The following AGO4 variants were observed in gnomAD, a reference collection of about 807,000 sequenced individuals.
AGO4 encodes argonaute RISC component 4.
In AGO4, 33 loss-of-function variants were observed where a neutral mutation model predicts 104.7. That is an observed-to-expected ratio of 0.32 (90% CI 0.24 to 0.42). The LOEUF is 0.42. Ranked by LOEUF, AGO4 falls within the 10% of genes least tolerant of loss-of-function variation. AGO4 has a pLI of 1.00. For synonymous variants in AGO4, 331 were observed against 364.7 expected, an observed-to-expected ratio of 0.91 and a Z score of 1.05; for missense variants, 711 against 1,083.4, an observed-to-expected ratio of 0.66 and a Z score of 4.83.
rs1379597402 is a variant in AGO4, at chr1:35,850,249, A to T, written c.2268A>T (p.Ala756=). 4.3e-6 allele frequency: 7 copies of T among 1,612,576 alleles called. No homozygotes were observed. The highest frequency in any genetic ancestry group is 5.1e-6 in the Non-Finnish European group (6 of 1,178,670). ...SEFDFYLCSH[A]GIQGTSRPSH... ...TTGACTTTTACCTCTGTAGTCATGC[A>T]GGAATTCAGGTAATTTGGAAGCTGG... Residue 756 remains alanine, a synonymous_variant, in exon 16 of 18, where the codon GCA becomes GCT. Transcript: ENST00000373210.
At chr1:35,843,464 C>G (rs1400584689) in intron 15 of AGO4, among the ~76,000 whole-genome samples, 1 of 151,862 alleles carries the variant, frequency 6.6e-6, no homozygotes, top group Non-Finnish European at 1.5e-5. Flanking sequence ...ATTAAAAGGG[C>G]TGTTTTAAAT....
At chr1:35,852,923 A>G (rs1644736169) in intron 17 of AGO4, among the ~76,000 whole-genome samples, 1 of 152,176 alleles carries the variant, frequency 6.6e-6, no homozygotes, top group African/African-American at 2.4e-5. Context: ...CTTTGCAGAC[A>G]TTATATTATT....
At chr1:35,835,796 C>T in intron 12 of AGO4, 38 bp from the exon 13 acceptor site, 1 of 1,517,840 alleles carries the variant, frequency 6.6e-7, no homozygotes, top group South Asian at 1.3e-5. Flanking sequence ...ATTAGGAGAC[C>T]ATTTAAACAT....
rs1017162473 is a variant in AGO4 at position 35,809,967 on chromosome 1, G to A, written c.19+1532G>A. ...ATCGAAAGAAATTGTGTAACTGTGG[G>A]CATAAACTGAATTTCATGGAAAGGA... On this transcript the variant is annotated intron_variant, in intron 1 of 17. Transcript: ENST00000373210. Among the ~76,000 whole-genome samples the A allele has an allele frequency of 5.9e-5, 9 of 152,200 alleles. No individual in the cohort carries two copies. In the East Asian group the frequency reaches 1.7e-3, roughly 29 times the overall value.
chr1:35,850,902 T>G lies in AGO4; in HGVS notation c.2326T>G (p.Phe776Val), dbSNP rs1420586748. 1 of 1,613,434 alleles carries G rather than the reference T, an allele frequency of 6.2e-7. No individual in the cohort carries two copies. The highest frequency in any genetic ancestry group is 2.2e-5 in the East Asian group (1 of 44,872). Residue 776 changes from phenylalanine to valine, a missense_variant, in exon 17 of 18, where the codon TTC (phenylalanine) becomes GTC (valine). This residue lies in a region of AGO4 where 401 missense variants were observed against 665.5 expected (regional missense o/e 0.60). Coordinates refer to ENST00000373210, the MANE Select transcript of AGO4 (RefSeq NM_017629.4). ...HYQVLWDDNC[F>V]TADELQLLTY... The stretch of plus-strand genomic sequence containing the variant: ...CCAGGTCTTGTGGGATGACAACTGC[T>G]TCACTGCAGATGAACTCCAGCTACT...
chr1:35,815,095 C>T (rs922710669), intron 1 of AGO4, among the ~76,000 whole-genome samples: 2 of 152,232 alleles, frequency 1.3e-5, no homozygotes, highest in African/African-American at 4.8e-5. Context: ...CCAGGCTGGT[C>T]TCAAACTGCT....
At chr1:35,836,050 G>A in intron 13 of AGO4, 57 bp downstream of exon 13, 1 of 1,560,566 alleles carries the variant, frequency 6.4e-7, no homozygotes, top group African/African-American at 1.4e-5. Context: ...CATAATTTAT[G>A]GGAAAGCACA....
chr1:35,836,808 C>T (rs894014556), intron 13 of AGO4, among the ~76,000 whole-genome samples: 15 of 152,210 alleles, frequency 9.9e-5, no homozygotes, highest in African/African-American at 2.6e-4. Flanking sequence ...TACTGAGTTA[C>T]GGAGAATAGA....
At position 35,829,840 on chromosome 1, in the gene AGO4, TA is replaced by T. The variant is rs752406279; in HGVS notation, c.849-1561del. Among the ~76,000 whole-genome samples, 448 of 62,174 alleles carry T rather than the reference TA, an allele frequency of 7.2e-3. 4 individuals are homozygous for T. The highest frequency in any genetic ancestry group is 0.015 in the African/African-American group (246 of 16,182). The allele number at this position is 62,174 out of a possible 152,430, so 40.8% of individuals were successfully genotyped here. On this transcript the variant is annotated intron_variant, in intron 7 of 17. Transcript: ENST00000373210. ...TGGGCAACAGAGTGAGACTACATCT[TA>T]AAAAAAAAAAAAAAAAAAAAAAAAA...
At chr1:35,819,960 G>T (rs564928032) in intron 2 of AGO4, among the ~76,000 whole-genome samples, 2 of 152,166 alleles carry the variant, frequency 1.3e-5, no homozygotes, top group African/African-American at 2.4e-5. Context: ...AGAAAATAAG[G>T]CTCCTACACT....
intron 12 of AGO4, 95 bp downstream of exon 12, chr1:35,834,269 A>AC (rs1279342472): frequency 3.6e-6 from 4 of 1,114,096 alleles, no homozygotes; most frequent in Non-Finnish European, 4.8e-6. Context: ...CAAACCTCAA[A>AC]CTCTCAGTGG....
intron 7 of AGO4, among the ~76,000 whole-genome samples, chr1:35,827,937 G>T (rs1011912288): frequency 1.3e-5 from 2 of 151,294 alleles, no homozygotes; most frequent in Non-Finnish European, 2.9e-5. Context: ...TAGAGGTGGG[G>T]TTTTGCTATG....
chr1:35,841,441 C>T lies in AGO4; in HGVS notation c.2001C>T (p.Ile667=), dbSNP rs750499017. The T allele has an allele frequency of 3.7e-6, 6 of 1,614,032 alleles. No homozygotes were observed. Among genetic ancestry groups the T allele is most frequent in the Non-Finnish European group, 5.1e-6 (6 of 1,179,878 alleles). ...KSTRFKPTRI[I]YYRGGVSEGQ... The stretch of plus-strand genomic sequence containing the variant: ...CACGCTTCAAACCCACTCGGATCAT[C>T]TATTACCGTGGAGGGGTATCTGAGG... The change falls in exon 14 of 18, where the codon ATC becomes ATT. Residue 667 remains isoleucine (I), a synonymous_variant. Transcript: ENST00000373210. The surrounding 1 kb of genome is among the most constrained non-coding windows in gnomAD (Gnocchi z 4.7).
At position 35,832,093 on chromosome 1, in the gene AGO4, T is replaced by C; in HGVS notation, c.1153T>C (p.Tyr385His). ...CAGTATGGTGGGTGGACCTGATCCA[T>C]ACCTTAAAGAATTTGGTATTGTTGT... The part of the protein sequence containing the change: ...SNSMVGGPDP[Y>H]LKEFGIVVHN... Residue 385 changes from tyrosine to histidine, a missense_variant, in exon 10 of 18, where the codon TAC becomes CAC. Around this residue, in one of 3 missense-constraint regions of AGO4, gnomAD observed 401 missense variants for 665.5 expected, o/e 0.60. Coordinates refer to ENST00000373210, the MANE Select transcript of AGO4 (RefSeq NM_017629.4). The C allele has an allele frequency of 6.2e-7, 1 of 1,614,186 alleles. No homozygotes were observed. Among genetic ancestry groups the C allele is most frequent in the Non-Finnish European group, 8.5e-7 (1 of 1,180,020 alleles).
intron 8 of AGO4, 58 bp downstream of exon 8, chr1:35,831,632 A>G: frequency 1.3e-6 from 2 of 1,575,270 alleles, no homozygotes; most frequent in South Asian, 2.4e-5. Context: ...TATATTTTTA[A>G]GTAGAGTTCT....
intron 7 of AGO4, among the ~76,000 whole-genome samples, chr1:35,827,589 A>G (rs1644056974): frequency 6.6e-6 from 1 of 152,150 alleles, no homozygotes; most frequent in South Asian, 2.1e-4. Context: ...CTTTGCTTTT[A>G]ACACCAAAGT....
intron 13 of AGO4, among the ~76,000 whole-genome samples, chr1:35,838,126 C>T (rs1319734932): frequency 6.6e-6 from 1 of 152,054 alleles, no homozygotes; most frequent in Non-Finnish European, 1.5e-5. Context: ...AATCTCGGCT[C>T]ACTGCAACCT....
rs149058243 is a variant in AGO4 at position 35,811,598 on chromosome 1, C to T, written c.19+3163C>T. Among the ~76,000 whole-genome samples, 364 of 151,728 alleles carry T rather than the reference C, an allele frequency of 2.4e-3. 1 individual carries two copies. Among genetic ancestry groups the T allele is most frequent in the African/African-American group, 8.3e-3 (344 of 41,374 alleles). On this transcript the variant is annotated intron_variant, in intron 1 of 17. Coordinates refer to ENST00000373210, the MANE Select transcript of AGO4 (RefSeq NM_017629.4). ...TACTATTGCAAGGCACTATGTTAAACGTTTTTTGTTGTTGTTGTTTTTTGA... is the reference window on the plus strand; with the variant it reads ...TACTATTGCAAGGCACTATGTTAAATGTTTTTTGTTGTTGTTGTTTTTTGA...
At position 35,832,857 on chromosome 1, in the gene AGO4, ATTGTATCTTT is replaced by A. The variant is rs1486546654; in HGVS notation, c.1379+289_1379+298del. 8.5e-5 allele frequency among the ~76,000 whole-genome samples: 13 copies of A among 152,284 alleles called. No homozygotes were observed. In the East Asian group the frequency reaches 2.5e-3, roughly 29 times the overall value. ...CTTATTGAAGCTTCCTTTGGTATTA[ATTGTATCTTT>A]TCAGCCAAGATCAAAAACTAGCTTA... is the stretch of plus-strand genomic sequence containing the variant. On this transcript the variant is annotated intron_variant, in intron 11 of 17. Transcript: ENST00000373210.
Sources: allele counts gnomAD v4.1 joint callset (sites outside exome capture counted in the v4.1 genomes callset), GRCh38; gene constraint gnomAD v4.1.1; regional missense constraint gnomAD v4.1.1; non-coding constraint Gnocchi (gnomAD v3.1); transcripts MANE v1.5; gene names NCBI Gene and HGNC (gene_info 2026-07-23, HGNC 2026-07-21).